The following ZNF385D variants were observed in gnomAD, a reference collection of about 807,000 sequenced individuals.
ZNF385D encodes zinc finger protein 659.
A neutral mutation model predicts 35.8 loss-of-function variants in ZNF385D; 15 were observed. That is an observed-to-expected ratio of 0.42 (90% CI 0.28 to 0.64). The LOEUF is 0.64. Among genes scored for constraint, ZNF385D ranks in the 30% least tolerant of loss-of-function variants. ZNF385D has a pLI of 0.23. For missense variants in ZNF385D, 474 were observed against 494.6 expected (o/e 0.96, Z 0.39); for synonymous variants, 212 against 186.8 (o/e 1.13, Z -1.10).
intron 3 of ZNF385D, among the ~76,000 whole-genome samples, chr3:21,757,300 G>C (rs577367528): frequency 4.0e-5 from 6 of 151,840 alleles, no homozygotes; most frequent in Admixed American, 3.9e-4. Context: ...ATGCCACCAT[G>C]CCAGGCTAAT....
chr3:21,544,959 T>C (rs551003035), intron 3 of ZNF385D, among the ~76,000 whole-genome samples: 1 of 152,312 alleles, frequency 6.6e-6, no homozygotes, highest in South Asian at 2.1e-4. Flanking sequence ...TGTTCACGTA[T>C]ACAGGATTGC....
chr3:22,310,207 A>T (rs1235173959), intron 2 of ZNF385D, among the ~76,000 whole-genome samples: 1 of 152,040 alleles, frequency 6.6e-6, no homozygotes, highest in Non-Finnish European at 1.5e-5. Flanking sequence ...ATTTGCATTC[A>T]GGCGTCATGA....
chr3:21,903,922 T>A (rs1360376113), intron 3 of ZNF385D, among the ~76,000 whole-genome samples: 1 of 152,166 alleles, frequency 6.6e-6, no homozygotes, highest in Non-Finnish European at 1.5e-5. Flanking sequence ...GGAATTTGTT[T>A]TTTTCTTTAT....
At chr3:22,214,256 T>C (rs1353991182) in intron 2 of ZNF385D, among the ~76,000 whole-genome samples, 1 of 152,142 alleles carries the variant, frequency 6.6e-6, no homozygotes, top group Non-Finnish European at 1.5e-5. Context: ...ACCCTTGTGA[T>C]TTCCTATGCC....
At chr3:22,233,589 A>G (rs1699015933) in intron 2 of ZNF385D, among the ~76,000 whole-genome samples, 2 of 152,228 alleles carry the variant, frequency 1.3e-5, no homozygotes, top group African/African-American at 4.8e-5. Flanking sequence ...AAACTTAAGA[A>G]AAGTGCCCAC....
At chr3:21,648,227 G>A (rs904260151) in intron 2 of ZNF385D, among the ~76,000 whole-genome samples, 1 of 152,118 alleles carries the variant, frequency 6.6e-6, no homozygotes, top group Admixed American at 6.6e-5. Flanking sequence ...GAGTTCTCAT[G>A]AGATCTGATG....
At chr3:21,775,054 C>G (rs2071231477) in intron 3 of ZNF385D, among the ~76,000 whole-genome samples, 1 of 151,910 alleles carries the variant, frequency 6.6e-6, no homozygotes, top group South Asian at 2.1e-4. Flanking sequence ...ATGACATAAC[C>G]TGAGAAGAGA....
intron 2 of ZNF385D, among the ~76,000 whole-genome samples, chr3:21,571,402 TA>T (rs2063330954): frequency 6.6e-6 from 1 of 152,212 alleles, no homozygotes; most frequent in Non-Finnish European, 1.5e-5. Flanking sequence ...AATAAGCTAT[TA>T]AAAACAATTC....
intron 3 of ZNF385D, among the ~76,000 whole-genome samples, chr3:22,094,087 T>C (rs1701472461): frequency 6.6e-6 from 1 of 152,128 alleles, no homozygotes; most frequent in Non-Finnish European, 1.5e-5. Flanking sequence ...AGGCTATTGC[T>C]GTTGAATTCT....
At chr3:22,313,485 C>T (rs1370732026) in intron 2 of ZNF385D, among the ~76,000 whole-genome samples, 1 of 151,970 alleles carries the variant, frequency 6.6e-6, no homozygotes, top group African/African-American at 2.4e-5. Context: ...GAATAAATTT[C>T]TATTCTGGTG....
At chr3:21,935,140 T>A (rs1701196082) in intron 3 of ZNF385D, among the ~76,000 whole-genome samples, 2 of 152,166 alleles carry the variant, frequency 1.3e-5, no homozygotes, top group Non-Finnish European at 1.5e-5. Context: ...GATATATTAA[T>A]AAGTTGTATA....
chr3:21,552,982 C>T (rs1418639840), intron 3 of ZNF385D, among the ~76,000 whole-genome samples: 2 of 152,114 alleles, frequency 1.3e-5, no homozygotes, highest in African/African-American at 2.4e-5. Flanking sequence ...AATGATTACA[C>T]GTGGGACAAA....
At chr3:22,002,629 T>C (rs1476697855) in intron 3 of ZNF385D, among the ~76,000 whole-genome samples, 1 of 152,010 alleles carries the variant, frequency 6.6e-6, no homozygotes, top group Non-Finnish European at 1.5e-5. Context: ...CAACAACAAC[T>C]ACTACAACCC....
intron 2 of ZNF385D, among the ~76,000 whole-genome samples, chr3:22,260,516 A>G (rs564909315): frequency 3.3e-5 from 5 of 152,186 alleles, no homozygotes; most frequent in South Asian, 4.1e-4. Context: ...AAATTAAAAA[A>G]AAAGAAAACT....
chr3:21,530,872 C>T (rs763133778), intron 3 of ZNF385D, among the ~76,000 whole-genome samples: 1 of 152,032 alleles, frequency 6.6e-6, no homozygotes, highest in African/African-American at 2.4e-5. Flanking sequence ...AAAAACAATC[C>T]GTGTTTATTT....
At chr3:21,959,079 T>C (rs1269465419) in intron 3 of ZNF385D, among the ~76,000 whole-genome samples, 2 of 152,206 alleles carry the variant, frequency 1.3e-5, no homozygotes, top group Non-Finnish European at 2.9e-5. Flanking sequence ...ACTTTTAAAG[T>C]TATTTTGCAA....
At chr3:22,275,470 TAGGGTGCTTTTA>T (rs1701379746) in intron 2 of ZNF385D, among the ~76,000 whole-genome samples, 1 of 143,906 alleles carries the variant, frequency 6.9e-6, no homozygotes, top group Non-Finnish European at 1.6e-5. Context: ...AAGGTAAGAT[TAGGGTGCTTTTA>T]AGACACTTTA....
chr3:21,677,565 G>A (rs2066767477), intron 1 of ZNF385D, among the ~76,000 whole-genome samples: 1 of 151,956 alleles, frequency 6.6e-6, no homozygotes, highest in African/African-American at 2.4e-5. Flanking sequence ...GTCTAGAAAA[G>A]CACAGGCCTA....
chr3:22,263,149 A>G lies in ZNF385D; in HGVS notation c.107-94114T>C, dbSNP rs150545121. Among the ~76,000 whole-genome samples, 42 of 152,064 alleles carry G rather than the reference A, an allele frequency of 2.8e-4. 1 individual carries two copies. The highest frequency in any genetic ancestry group is 9.6e-4 in the African/African-American group (40 of 41,520). ...TCCTATTGTTAATTCTGTCCAGATC[A>G]GTCAGAATGTACCAACCAGATTAAA... On this transcript the variant is annotated intron_variant, in intron 2 of 5. Transcript: ENST00000494108.
Sources: allele counts gnomAD v4.1 joint callset (sites outside exome capture counted in the v4.1 genomes callset), GRCh38; gene constraint gnomAD v4.1.1; transcripts MANE v1.5; gene names NCBI Gene and HGNC (gene_info 2026-07-23, HGNC 2026-07-21).